PANK1: variants seen among roughly 807,000 people sequenced by gnomAD.
PANK1 encodes pantothenate kinase 1.
In PANK1, 18 loss-of-function variants were observed where a neutral mutation model predicts 40.1. The ratio of observed to expected loss-of-function variants is 0.45; its 90% CI spans 0.31 to 0.67. The LOEUF is 0.67. Among genes scored for constraint, PANK1 ranks in the 30% least tolerant of loss-of-function variants. The pLI is 0.06. For synonymous variants in PANK1, 242 were observed against 237.7 expected, an observed-to-expected ratio of 1.02 and a Z score of -0.17; for missense variants, 457 against 599.6, an observed-to-expected ratio of 0.76 and a Z score of 2.48.
chr10:89,622,791 C>G (rs1372703840), intron 1 of PANK1, among the ~76,000 whole-genome samples: 2 of 150,608 alleles, frequency 1.3e-5, no homozygotes, highest in East Asian at 3.9e-4. Flanking sequence ...GAGCTGAGGT[C>G]GTGCCACTGC....
intron 2 of PANK1, 118 bp downstream of exon 2, chr10:89,611,578 C>G (rs78367132): frequency 2.9e-6 from 2 of 690,792 alleles, no homozygotes; most frequent in Admixed American, 6.0e-5. Context: ...AGGCACAGAG[C>G]GGTGACATAA....
At chr10:89,581,066 G>A (rs751817389), downstream of PANK1, 11 of 151,328 alleles carry the variant, frequency 7.3e-5, no homozygotes, top group Non-Finnish European at 1.3e-4. Context: ...TATAAGCTCT[G>A]TGATGGTGGA....
chr10:89,605,127 A>G (rs1844919355), intron 2 of PANK1, among the ~76,000 whole-genome samples: 1 of 151,958 alleles, frequency 6.6e-6, no homozygotes, highest in Non-Finnish European at 1.5e-5. Context: ...AATGCGAATC[A>G]TCTGAGCCTT....
intron 1 of PANK1, among the ~76,000 whole-genome samples, chr10:89,618,321 T>TG (rs1388984307): frequency 5.3e-5 from 8 of 152,090 alleles, no homozygotes; most frequent in Admixed American, 3.9e-4. Context: ...ATACAATGTG[T>TG]GGGGGGGTGG....
chr10:89,580,138 C>G (rs1844026772), downstream of PANK1: 2 of 152,176 alleles, frequency 1.3e-5, no homozygotes, highest in Admixed American at 6.5e-5. Flanking sequence ...CTATTAGTAG[C>G]CTGTGTCCTC....
chr10:89,633,462 A>T (rs1156397565), intron 1 of PANK1, among the ~76,000 whole-genome samples: 1 of 152,204 alleles, frequency 6.6e-6, no homozygotes, highest in East Asian at 1.9e-4. Flanking sequence ...AGAAGATCTG[A>T]TTATCTCCTT....
intron 2 of PANK1, among the ~76,000 whole-genome samples, chr10:89,607,504 C>T (rs998486620): frequency 3.3e-5 from 5 of 152,138 alleles, no homozygotes; most frequent in East Asian, 1.9e-4. Flanking sequence ...GAGAAATGTG[C>T]GTACAAGCCA....
At chr10:89,616,369 T>C (rs899766064) in intron 1 of PANK1, among the ~76,000 whole-genome samples, 1 of 152,142 alleles carries the variant, frequency 6.6e-6, no homozygotes, top group Non-Finnish European at 1.5e-5. Flanking sequence ...TAATAAAAAA[T>C]GGTAACAAAC....
chr10:89,605,896 C>A (rs1844950236), intron 2 of PANK1, among the ~76,000 whole-genome samples: 1 of 151,808 alleles, frequency 6.6e-6, no homozygotes, highest in South Asian at 2.1e-4. Context: ...GTAATTATTC[C>A]TTGATTTATG....
intron 1 of PANK1, among the ~76,000 whole-genome samples, chr10:89,631,961 T>TGC (rs1289078821): frequency 2.5e-5 from 2 of 80,050 alleles, no homozygotes; most frequent in East Asian, 5.6e-4. Context: ...ACAGATTGTG[T>TGC]GTGTGTGTGT....
intron 2 of PANK1, among the ~76,000 whole-genome samples, chr10:89,603,194 A>G (rs925128738): frequency 1.3e-5 from 2 of 152,162 alleles, no homozygotes; most frequent in African/African-American, 4.8e-5. Context: ...GCATTTACTA[A>G]TTTCCATCGT....
intron 1 of PANK1, among the ~76,000 whole-genome samples, chr10:89,622,300 C>A (rs942529950): frequency 3.3e-5 from 5 of 152,292 alleles, no homozygotes; most frequent in Admixed American, 3.3e-4. Flanking sequence ...GTCATGGGTT[C>A]TTTCAAATTA....
At chr10:89,644,550 C>G (rs1165634180) in intron 1 of PANK1, 50 bp downstream of exon 1, 2 of 1,523,410 alleles carry the variant, frequency 1.3e-6, no homozygotes, top group Non-Finnish European at 1.8e-6. Context: ...TCCCGGGCCC[C>G]GCACGCTGCG....
chr10:89,601,883 C>T (rs1318037010), intron 2 of PANK1, among the ~76,000 whole-genome samples: 1 of 152,228 alleles, frequency 6.6e-6, no homozygotes, highest in Non-Finnish European at 1.5e-5. Context: ...ACTATTTCCT[C>T]TGTTCTCCCT....
At chr10:89,587,598 G>A (rs1023384601) in intron 6 of PANK1, among the ~76,000 whole-genome samples, 1 of 152,122 alleles carries the variant, frequency 6.6e-6, no homozygotes, top group Non-Finnish European at 1.5e-5. Flanking sequence ...ATCAAAGGAG[G>A]TGCATAATAT....
At chr10:89,586,495 A>G (rs900894969) in intron 6 of PANK1, among the ~76,000 whole-genome samples, 18 of 152,180 alleles carry the variant, frequency 1.2e-4, no homozygotes, top group African/African-American at 4.1e-4. Flanking sequence ...ATGAATTTCT[A>G]TCATTGGGCC....
At chr10:89,644,057 T>C in intron 1 of PANK1, 1 of 279,514 alleles carries the variant, frequency 3.6e-6, no homozygotes, top group South Asian at 8.0e-5. Flanking sequence ...AAGAAACAGC[T>C]TCTAATAGGC....
chr10:89,634,424 G>T (rs914936105), intron 1 of PANK1, among the ~76,000 whole-genome samples: 1 of 152,126 alleles, frequency 6.6e-6, no homozygotes, highest in Admixed American at 6.5e-5. Context: ...TAGGATCAAG[G>T]CCAAGAGTAC....
At position 89,584,408 on chromosome 10, in the gene PANK1, A is replaced by G; in HGVS notation, c.1384T>C (p.Ter462GlnextTer23). 2 of 1,595,154 alleles carry G rather than the reference A, an allele frequency of 1.3e-6. No individual in the cohort carries two copies. The highest frequency in any genetic ancestry group is 1.7e-5 in the Admixed American group (1 of 59,980). ...GCTGTTTCCTCCACTGCTCGTCTCTACTTGTCATCAGTCATTTTGAACAGT... is the reference window on the plus strand; with the variant it reads ...GCTGTTTCCTCCACTGCTCGTCTCTGCTTGTCATCAGTCATTTTGAACAGT... ...LELFKMTDDK[*>Q] Residue 462 changes from the stop codon to glutamine (Q), a stop_lost, in exon 7 of 7, where the codon TAG becomes CAG. Coordinates refer to ENST00000307534, the MANE Select transcript of PANK1 (RefSeq NM_148977.3).
Sources: gnomAD v4.1 joint callset for allele counts (sites outside exome capture counted in the v4.1 genomes callset) on GRCh38, gnomAD v4.1.1 for gene constraint, MANE v1.5 for transcripts, NCBI Gene and HGNC (gene_info 2026-07-23, HGNC 2026-07-21) for gene names.